Variants in PCDHGA6 observed in about 807,000 individuals in gnomAD.
The protein encoded by PCDHGA6 is protocadherin gamma subfamily A, 6, also known as protocadherin gamma-A6.
In PCDHGA6, 41 loss-of-function variants were observed where a neutral mutation model predicts 60.6. The ratio of observed to expected loss-of-function variants is 0.68; its 90% confidence interval spans 0.53 to 0.88. The LOEUF is 0.88. PCDHGA6 is among the 40% of genes least tolerant of loss of function. The probability of loss-of-function intolerance (pLI) is 0.00; values close to 1 mark genes in which losing one functional copy is unlikely to be tolerated. For synonymous variants in PCDHGA6, 594 were observed against 524.4 expected (o/e 1.13, Z -1.81); for missense variants, 1,312 against 1,203.0 (o/e 1.09, Z -1.34).
In PCDHGA6 at chr5:141,433,358, C is replaced by CCTATCTATCTATCTAT. The variant is rs3074541; in HGVS notation, c.2424+56884_2424+56899dup. ...ACAGGTGCAAGCCACCTACTGTCTG[C>CCTATCTATCTATCTAT]CTATCTATCTATCTATCTATCTATC... On this transcript the variant is annotated intron_variant, in intron 1 of 3. Coordinates refer to ENST00000517434, the MANE Select transcript of PCDHGA6 (RefSeq NM_018919.3). 1.1e-3 allele frequency: 566 copies of CCTATCTATCTATCTAT among 504,038 alleles called. 2 individuals carry two copies. The highest frequency in any genetic ancestry group is 1.7e-3 in the East Asian group (49 of 28,778). The allele number at this position is 504,038 out of a possible 1,614,324, so 31.2% of individuals were successfully genotyped here.
intron 1 of PCDHGA6, among the ~76,000 whole-genome samples, chr5:141,454,658 G>A (rs961640658): frequency 7.2e-5 from 11 of 151,812 alleles, no homozygotes; most frequent in Admixed American, 6.6e-5. Context: ...TGCCCACCTC[G>A]GCCTCCCAAA....
chr5:141,475,740 A>G (rs942793010), intron 1 of PCDHGA6, among the ~76,000 whole-genome samples: 4 of 152,280 alleles, frequency 2.6e-5, no homozygotes, highest in Non-Finnish European at 5.9e-5. Flanking sequence ...TCCCTAAGGT[A>G]GGTTTCCTAT....
At position 141,489,515 on chromosome 5, in the gene PCDHGA6, G is replaced by T; in HGVS notation, c.2425-5292G>T. ...CTGGCAGTGAATCAAAAGATTGACC[G>T]AGAAAGCCTATGTGGAGCCAGCACC... On this transcript the variant is annotated intron_variant, in intron 1 of 3. Coordinates refer to ENST00000517434, the MANE Select transcript of PCDHGA6 (RefSeq NM_018919.3). This position sits in a 1 kb window ranked among gnomAD's most constrained non-coding sequence, Gnocchi z 4.5. 4.3e-6 allele frequency: 7 copies of T among 1,614,104 alleles called. No individual in the cohort carries two copies. Among genetic ancestry groups the T allele is most frequent in the Non-Finnish European group, 5.9e-6 (7 of 1,180,034 alleles).
At chr5:141,428,155 G>A (rs767716956) in intron 1 of PCDHGA6, 7 of 1,581,618 alleles carry the variant, frequency 4.4e-6, no homozygotes, top group East Asian at 2.2e-5. Flanking sequence ...ACGGGAACCT[G>A]CTGGTTGCTG....
intron 1 of PCDHGA6, among the ~76,000 whole-genome samples, chr5:141,445,417 A>C (rs1483224509): frequency 6.6e-6 from 1 of 152,208 alleles, no homozygotes; most frequent in Non-Finnish European, 1.5e-5. Context: ...ACTGTCTGCT[A>C]TATGCAAGGC....
chr5:141,506,506 C>T (rs1279198463), intron 3 of PCDHGA6, among the ~76,000 whole-genome samples: 2 of 151,030 alleles, frequency 1.3e-5, no homozygotes. Context: ...GATTCAAATC[C>T]TGGCACCTGG....
chr5:141,383,277 T>C, intron 1 of PCDHGA6: 9 of 1,613,888 alleles, frequency 5.6e-6, no homozygotes, highest in Non-Finnish European at 7.6e-6. Context: ...TAATAGATAT[T>C]AATGACAACG....
intron 1 of PCDHGA6, among the ~76,000 whole-genome samples, chr5:141,470,877 T>C (rs1438812002): frequency 1.3e-5 from 2 of 151,808 alleles, no homozygotes; most frequent in Non-Finnish European, 2.9e-5. Context: ...TTTGTTTTTT[T>C]GTTTTTGTTT....
intron 2 of PCDHGA6, among the ~76,000 whole-genome samples, chr5:141,496,410 A>G (rs77823969): frequency 0.019 from 2,839 of 152,308 alleles, 40 homozygotes; most frequent in Middle Eastern, 0.082. Context: ...ATGGTTGAGT[A>G]CTTGCTGTCC....
chr5:141,385,730 A>G (rs763520161), intron 1 of PCDHGA6: 8 of 214,510 alleles, frequency 3.7e-5, no homozygotes, highest in Non-Finnish European at 5.7e-5. Flanking sequence ...GTTCTGAAAG[A>G]TTTCTTCCAT....
intron 1 of PCDHGA6, chr5:141,410,181 T>C: frequency 6.2e-7 from 1 of 1,613,814 alleles, no homozygotes; most frequent in South Asian, 1.1e-5. Context: ...ACCGCCACGC[T>C]TCATCTGGTC....
intron 2 of PCDHGA6, among the ~76,000 whole-genome samples, chr5:141,495,678 C>T (rs1340336428): frequency 6.6e-6 from 1 of 152,180 alleles, no homozygotes; most frequent in African/African-American, 2.4e-5. Context: ...CTGTGCCTGC[C>T]ATGGCATAAG....
rs1193095881 is a variant in PCDHGA6 at position 141,490,273 on chromosome 5, G to T, written c.2425-4534G>T. On this transcript the variant is annotated intron_variant, in intron 1 of 3. Coordinates refer to ENST00000517434, the MANE Select transcript of PCDHGA6 (RefSeq NM_018919.3). This position sits in a 1 kb window ranked among gnomAD's most constrained non-coding sequence, Gnocchi z 5.4. ...TCAAGTGGATGTGGGGGATGTCAAT[G>T]ACAATGCCCCAGAGGTGCTATTGGC... 6.2e-7 allele frequency: 1 copy of T among 1,614,108 alleles called. No homozygotes were observed. The highest frequency in any genetic ancestry group is 8.5e-7 in the Non-Finnish European group (1 of 1,180,052).
Position 141,374,310 on chromosome 5 carries a change from C to T in PCDHGA6, c.227C>T (p.Ser76Phe). 1.9e-6 allele frequency: 3 copies of T among 1,614,006 alleles called. No individual in the cohort carries two copies. Among genetic ancestry groups the T allele is most frequent in the Non-Finnish European group, 1.7e-6 (2 of 1,179,866 alleles). ...TCCAGAGGTAGGATGCAGCTTTTCT[C>T]TCTGAATCCGCGAAACGGCAGCTTG... ...IVSRGRMQLF[S>F]LNPRNGSLVT... The change falls in exon 1 of 4, where the codon TCT becomes TTT. Residue 76 changes from serine to phenylalanine, a missense_variant. Ser to Phe is a radical substitution (Grantham distance 155). Transcript: ENST00000517434.
intron 1 of PCDHGA6, among the ~76,000 whole-genome samples, chr5:141,401,288 G>A (rs973425272): frequency 1.3e-5 from 2 of 152,094 alleles, no homozygotes; most frequent in Non-Finnish European, 2.9e-5. Flanking sequence ...GTTGCGGTGA[G>A]CCGAGATCAC....
Position 141,477,657 on chromosome 5 carries a change from G to C in PCDHGA6, c.2425-17150G>C. 4 of 1,614,190 alleles carry C rather than the reference G, an allele frequency of 2.5e-6. No individual in the cohort carries two copies. Among genetic ancestry groups the C allele is most frequent in the Non-Finnish European group, 3.4e-6 (4 of 1,180,038 alleles). The stretch of plus-strand genomic sequence containing the variant: ...GTGGGTCGCTATTTCACAATAAATC[G>C]TGACAATGGCATAGTGTCATCCTTA... On this transcript the variant is annotated intron_variant, in intron 1 of 3. Coordinates refer to ENST00000517434, the MANE Select transcript of PCDHGA6 (RefSeq NM_018919.3). The surrounding 1 kb of genome is among the most constrained non-coding windows in gnomAD (Gnocchi z 4.9).
intron 1 of PCDHGA6, among the ~76,000 whole-genome samples, chr5:141,402,590 A>G (rs1379327637): frequency 6.6e-6 from 1 of 152,238 alleles, no homozygotes; most frequent in Admixed American, 6.5e-5. Flanking sequence ...TAAAAAATAG[A>G]TTGCTTTTGA....
At chr5:141,393,189 A>G (rs1561640968) in intron 1 of PCDHGA6, 1 of 1,613,404 alleles carries the variant, frequency 6.2e-7, no homozygotes, top group Admixed American at 1.7e-5. Context: ...AATAATTGAT[A>G]TTAACGATAA....
intron 1 of PCDHGA6, chr5:141,430,796 C>T (rs1347347402): frequency 6.6e-6 from 10 of 1,522,232 alleles, no homozygotes; most frequent in Non-Finnish European, 8.8e-6. Flanking sequence ...CTACAAAGGG[C>T]TTGTCCTGCT....
Sources: allele counts gnomAD v4.1 joint callset (sites outside exome capture counted in the v4.1 genomes callset), GRCh38; gene constraint gnomAD v4.1.1; non-coding constraint Gnocchi (gnomAD v3.1); transcripts MANE v1.5; gene names NCBI Gene and HGNC (gene_info 2026-07-23, HGNC 2026-07-21).